MPRIP: variants seen among roughly 807,000 people sequenced by gnomAD.
MPRIP encodes myosin phosphatase Rho-interacting protein.
A neutral mutation model predicts 234.9 loss-of-function variants in MPRIP; 59 were observed. The ratio of observed to expected loss-of-function variants is 0.25; its 90% confidence interval spans 0.20 to 0.31. The LOEUF (loss-of-function observed/expected upper bound fraction) is 0.31. Among genes scored for constraint, MPRIP ranks in the 10% least tolerant of loss-of-function variants. The pLI is 1.00. For missense variants in MPRIP, 2,436 were observed against 3,071.0 expected (o/e 0.79, Z 4.89); for synonymous variants, 1,144 against 1,263.9 (o/e 0.91, Z 2.01).
chr17:17,096,332 T>C (rs983453159), intron 3 of MPRIP, among the ~76,000 whole-genome samples: 1 of 131,576 alleles, frequency 7.6e-6, no homozygotes, highest in African/African-American at 3.1e-5. Flanking sequence ...TGTGTGTGTG[T>C]GTGTGTGTGT....
intron 23 of MPRIP, chr17:17,180,634 A>T: frequency 6.2e-7 from 1 of 1,614,032 alleles, no homozygotes; most frequent in Non-Finnish European, 8.5e-7. Flanking sequence ...CTCGTGGGAT[A>T]CCTGAAATGC....
At chr17:17,108,152 C>T (rs1294693588) in intron 3 of MPRIP, among the ~76,000 whole-genome samples, 1 of 152,216 alleles carries the variant, frequency 6.6e-6, no homozygotes, top group Non-Finnish European at 1.5e-5. Context: ...CTGGCATGGC[C>T]TTTCAGGGTA....
At chr17:17,048,654 G>A in intron 1 of MPRIP, among the ~76,000 whole-genome samples, 1 of 152,214 alleles carries the variant, frequency 6.6e-6, no homozygotes, top group African/African-American at 2.4e-5. Flanking sequence ...TACCTGTCAG[G>A]ATGGCTAGAA....
chr17:17,142,142 G>C (rs1207381484), intron 7 of MPRIP: 1 of 158,814 alleles, frequency 6.3e-6, no homozygotes, highest in East Asian at 1.9e-4. Flanking sequence ...CATGAAATCA[G>C]CCTGCTTTGT....
chr17:17,147,218 C>A, intron 10 of MPRIP, 101 bp from the exon 11 acceptor site: 1 of 1,126,292 alleles, frequency 8.9e-7, no homozygotes, highest in Non-Finnish European at 1.3e-6. Flanking sequence ...TCCCTGTGCT[C>A]TGGGAGGGCC....
chr17:17,113,880 C>CTTTTTTTTTTTTTTTTTT (rs1236846171), intron 3 of MPRIP, among the ~76,000 whole-genome samples: 8 of 93,226 alleles, frequency 8.6e-5, no homozygotes, highest in African/African-American at 3.2e-4. Flanking sequence ...CTTTTCTTTT[C>CTTTTTTTTTTTTTTTTTT]TTTTCTTTTT....
chr17:17,166,541 G>T lies in MPRIP; in HGVS notation c.4950G>T (p.Gly1650=). The T allele has an allele frequency of 5.4e-6, 7 of 1,304,234 alleles. No homozygotes were observed. The highest frequency in any genetic ancestry group is 7.1e-6 in the Non-Finnish European group (7 of 988,966). The allele number at this position is 1,304,234 out of a possible 1,614,324, so 80.8% of individuals were successfully genotyped here. ...AGGCAGTCGGTGCCTCAGGAGACGG[G>T]CAGCAAAGCATCCCACAGGGCCTGG... is the stretch of plus-strand genomic sequence containing the variant. ...GGEAVGASGD[G]QQSIPQGLAP... Residue 1650 remains glycine, a synonymous_variant, in exon 16 of 24, where the codon GGG becomes GGT. Coordinates refer to ENST00000651222, the MANE Select transcript of MPRIP (RefSeq NM_001364716.4). This position sits in a 1 kb window ranked among gnomAD's most constrained non-coding sequence, Gnocchi z 4.4.
Position 17,164,120 on chromosome 17 carries a change from C to T in MPRIP, c.2529C>T (p.Ala843=), listed in dbSNP as rs1379786608. ...TCGGTTTTTTTAAGACTGAAGTGGC[C>T]GCCTCCCCATCGGGTGCCTGGCAGA... ...REGYVLQTEV[A]ASPSGAWQRL... The change falls in exon 16 of 24, where the codon GCC becomes GCT. Residue 843 remains alanine (A), a synonymous_variant. Transcript: ENST00000651222. 7.7e-6 allele frequency: 10 copies of T among 1,303,910 alleles called. No homozygotes were observed. Among genetic ancestry groups the T allele is most frequent in the African/African-American group, 1.5e-5 (1 of 65,792 alleles). The allele number at this position is 1,303,910 out of a possible 1,614,324, so 80.8% of individuals were successfully genotyped here.
chr17:17,042,893 C>T lies in MPRIP; in HGVS notation c.45C>T (p.Asn15=), dbSNP rs1265091721. The change falls in exon 1 of 24, where the codon AAC becomes AAT. Residue 15 remains asparagine (N), a synonymous_variant. Coordinates refer to ENST00000651222, the MANE Select transcript of MPRIP (RefSeq NM_001364716.4). ...ACCCGTGCAGGAAATTCCAGGCCAA[C>T]ATCTTCAACAAGAGCAAGTGTCAGA... ...KENPCRKFQA[N]IFNKSKCQNC... is the part of the protein sequence containing the mutation. The T allele has an allele frequency of 3.1e-6, 5 of 1,609,276 alleles. No homozygotes were observed. In the Admixed American group the frequency reaches 8.3e-5, roughly 27 times the overall value.
At position 17,189,906 on chromosome 17, in the gene MPRIP, C is replaced by T. The variant is rs376405156; in HGVS notation, c.*5012C>T. The T allele has an allele frequency of 6.6e-6, 1 of 152,182 alleles. No homozygotes were observed. 9.4% of individuals were successfully genotyped at this position (152,182 alleles called of 1,614,324 possible). ...AGGTTCTCAGTGCTGGCAAAAGAGC[C>T]CACTTTCTAAAAGGACTTGGGAAGA... On this transcript the variant is annotated 3_prime_UTR_variant, in exon 24 of 24. Transcript: ENST00000651222.
At chr17:17,075,060 C>G (rs2089296098) in intron 1 of MPRIP, among the ~76,000 whole-genome samples, 1 of 152,150 alleles carries the variant, frequency 6.6e-6, no homozygotes, top group Non-Finnish European at 1.5e-5. Context: ...TGAGGAACTG[C>G]CAGACTTTTC....
At chr17:17,154,266 A>C (rs1472945985) in intron 12 of MPRIP, 40 bp from the exon 13 acceptor site, 1 of 1,569,180 alleles carries the variant, frequency 6.4e-7, no homozygotes, top group South Asian at 1.1e-5. Context: ...CAGGCACCCT[A>C]GGGGACAGTC....
chr17:17,081,735 G>A (rs1393688537), intron 3 of MPRIP, among the ~76,000 whole-genome samples: 1 of 152,214 alleles, frequency 6.6e-6, no homozygotes, highest in African/African-American at 2.4e-5. Flanking sequence ...ATCCAGTTCC[G>A]GAAGCTGACC....
intron 13 of MPRIP, among the ~76,000 whole-genome samples, chr17:17,157,768 T>A (rs1017683885): frequency 6.7e-6 from 1 of 148,938 alleles, no homozygotes; most frequent in Non-Finnish European, 1.5e-5. Flanking sequence ...GCAGAGGTTG[T>A]GGTGAGCCGA....
At chr17:17,168,097 C>A (rs1246917065) in intron 16 of MPRIP, 182 bp downstream of exon 16, 2 of 418,638 alleles carry the variant, frequency 4.8e-6, no homozygotes, top group East Asian at 7.4e-5. Flanking sequence ...TGTTCGGCAT[C>A]CCCCAGTGTC....
At chr17:17,051,449 A>C (rs2088537616) in intron 1 of MPRIP, among the ~76,000 whole-genome samples, 1 of 152,154 alleles carries the variant, frequency 6.6e-6, no homozygotes, top group African/African-American at 2.4e-5. Flanking sequence ...ACACCGTTGG[A>C]CCAGGTGGAT....
intron 4 of MPRIP, among the ~76,000 whole-genome samples, chr17:17,129,254 C>T (rs962657679): frequency 1.3e-5 from 2 of 152,116 alleles, no homozygotes; most frequent in African/African-American, 4.8e-5. Context: ...GAAGTCTGGA[C>T]TTCCCTTCTC....
At chr17:17,112,105 A>G (rs1322965334) in intron 3 of MPRIP, among the ~76,000 whole-genome samples, 3 of 152,050 alleles carry the variant, frequency 2.0e-5, no homozygotes, top group Non-Finnish European at 4.4e-5. Flanking sequence ...GCGCTTTTCC[A>G]ACTGGTGTCC....
chr17:17,100,844 T>C (rs1402758914), intron 3 of MPRIP, among the ~76,000 whole-genome samples: 1 of 152,148 alleles, frequency 6.6e-6, no homozygotes, highest in African/African-American at 2.4e-5. Flanking sequence ...CATCCATCCA[T>C]TCCCTGTGGC....
Sources: gnomAD v4.1 joint callset for allele counts (sites outside exome capture counted in the v4.1 genomes callset) on GRCh38, gnomAD v4.1.1 for gene constraint, Gnocchi (gnomAD v3.1) non-coding constraint, MANE v1.5 for transcripts, NCBI Gene and HGNC (gene_info 2026-07-23, HGNC 2026-07-21) for gene names.